Variants in MEOX2 observed in about 807,000 individuals in gnomAD.
The protein encoded by MEOX2 is mesenchyme homeobox 2, also known as homeobox protein MOX-2.
In MEOX2, 11 loss-of-function variants were observed where a neutral mutation model predicts 27.0. That is an observed-to-expected ratio of 0.41 (90% CI 0.26 to 0.68). The LOEUF (loss-of-function observed/expected upper bound fraction) is 0.68, where lower values mean the gene tolerates loss of function less well. MEOX2 is among the 30% of genes least tolerant of loss of function. The pLI is 0.33. For missense variants in MEOX2, 436 were observed against 385.4 expected (o/e 1.13, Z -1.10); for synonymous variants, 189 against 155.4 (o/e 1.22, Z -1.61).
At chr7:15,615,368 T>TTTTG (rs998804448) in intron 2 of MEOX2, among the ~76,000 whole-genome samples, 60 of 151,982 alleles carry the variant, frequency 3.9e-4, no homozygotes, top group African/African-American at 1.3e-3. Context: ...TTTTTGGTTT[T>TTTTG]TTTGTTTGTT....
chr7:15,631,432 T>A (rs1273973091), intron 1 of MEOX2, among the ~76,000 whole-genome samples: 2 of 151,954 alleles, frequency 1.3e-5, no homozygotes, highest in African/African-American at 4.8e-5. Context: ...ATGTAGCCAA[T>A]TATATGTCTT....
At chr7:15,674,075 G>C (rs561054828) in intron 1 of MEOX2, among the ~76,000 whole-genome samples, 3 of 151,852 alleles carry the variant, frequency 2.0e-5, no homozygotes, top group Non-Finnish European at 4.4e-5. Flanking sequence ...AACAAAATTT[G>C]GTTACACACA....
At chr7:15,660,032 AT>A (rs1781886908) in intron 1 of MEOX2, among the ~76,000 whole-genome samples, 1 of 152,202 alleles carries the variant, frequency 6.6e-6, no homozygotes, top group South Asian at 2.1e-4. Context: ...GCAATGATCT[AT>A]AATATCATTG....
At chr7:15,635,362 G>T (rs17420659) in intron 1 of MEOX2, among the ~76,000 whole-genome samples, 10,110 of 151,962 alleles carry the variant, frequency 0.067, 445 homozygotes, top group Middle Eastern at 0.13. Flanking sequence ...ACTAAATATG[G>T]TTATGAAACC....
At chr7:15,675,595 C>T (rs1782180194) in intron 1 of MEOX2, among the ~76,000 whole-genome samples, 1 of 152,236 alleles carries the variant, frequency 6.6e-6, no homozygotes, top group African/African-American at 2.4e-5. Flanking sequence ...TACTTAACTT[C>T]TCTGGGCACA....
intron 1 of MEOX2, among the ~76,000 whole-genome samples, chr7:15,668,696 G>A (rs992653671): frequency 1.3e-5 from 2 of 151,906 alleles, no homozygotes; most frequent in Non-Finnish European, 2.9e-5. Context: ...GGCTCGTCTC[G>A]AACTCCTGAT....
intron 1 of MEOX2, among the ~76,000 whole-genome samples, chr7:15,629,303 T>C (rs900858962): frequency 5.3e-5 from 8 of 152,036 alleles, no homozygotes; most frequent in Non-Finnish European, 7.4e-5. Context: ...TCACAGGTAA[T>C]GGGTCTATAT....
chr7:15,652,185 A>G (rs888589885), intron 1 of MEOX2, among the ~76,000 whole-genome samples: 3 of 152,068 alleles, frequency 2.0e-5, no homozygotes, highest in African/African-American at 7.2e-5. Flanking sequence ...AAATGCAGTA[A>G]CATGCTTTTA....
intron 1 of MEOX2, among the ~76,000 whole-genome samples, chr7:15,641,658 T>C (rs928806529): frequency 6.6e-6 from 1 of 152,154 alleles, no homozygotes; most frequent in Non-Finnish European, 1.5e-5. Flanking sequence ...TCTAATAGTG[T>C]TGTTAGATAG....
At chr7:15,616,444 T>C (rs10261835) in intron 2 of MEOX2, among the ~76,000 whole-genome samples, 102,095 of 151,510 alleles carry the variant, frequency 0.67, 34,650 homozygotes, top group East Asian at 0.81. Context: ...GTATTAGCAA[T>C]CCCCCCAACA....
intron 2 of MEOX2, among the ~76,000 whole-genome samples, chr7:15,612,869 A>C (rs2115351071): frequency 6.6e-6 from 1 of 152,328 alleles, no homozygotes; most frequent in Non-Finnish European, 1.5e-5. Context: ...TATGGAACTA[A>C]ACAAAAACTT....
At chr7:15,663,041 C>A (rs1337340504) in intron 1 of MEOX2, among the ~76,000 whole-genome samples, 1 of 152,118 alleles carries the variant, frequency 6.6e-6, no homozygotes, top group East Asian at 1.9e-4. Context: ...ACATAGTGGT[C>A]ATTCTCACAT....
chr7:15,682,383 A>G (rs934102350), intron 1 of MEOX2, among the ~76,000 whole-genome samples: 1 of 151,824 alleles, frequency 6.6e-6, no homozygotes, highest in African/African-American at 2.4e-5. Flanking sequence ...ATTAAATGTA[A>G]TATTTGCTAG....
At chr7:15,657,013 C>T (rs1394509013) in intron 1 of MEOX2, among the ~76,000 whole-genome samples, 1 of 152,036 alleles carries the variant, frequency 6.6e-6, no homozygotes, top group Non-Finnish European at 1.5e-5. Context: ...AAATGTTGTA[C>T]TACTTCTTTC....
chr7:15,666,549 C>G (rs944346011), intron 1 of MEOX2, among the ~76,000 whole-genome samples: 1 of 151,424 alleles, frequency 6.6e-6, no homozygotes, highest in African/African-American at 2.4e-5. Context: ...GTCAGGAGTT[C>G]ATGACCAGCC....
rs1487152533 is a variant in MEOX2, at chr7:15,611,380, A to G, written c.*1007T>C. The G allele has an allele frequency of 6.6e-6, 1 of 152,556 alleles. No individual in the cohort carries two copies. Among genetic ancestry groups the G allele is most frequent in the African/African-American group, 2.4e-5 (1 of 41,470 alleles). The allele number at this position is 152,556 out of a possible 1,614,324, so 9.5% of individuals were successfully genotyped here. On this transcript the variant is annotated 3_prime_UTR_variant, in exon 3 of 3. Transcript: ENST00000262041. ...ACTTGAGCAACCAGTTTCGCTTTGC[A>G]CCTTGTCTAACACTGTTGTCAATCA...
intron 1 of MEOX2, among the ~76,000 whole-genome samples, chr7:15,663,296 A>G (rs1007802276): frequency 6.6e-6 from 1 of 152,094 alleles, no homozygotes; most frequent in Non-Finnish European, 1.5e-5. Context: ...CTTGTGGCCA[A>G]CTGTGTTAAT....
intron 1 of MEOX2, among the ~76,000 whole-genome samples, chr7:15,646,306 A>G (rs1781648689): frequency 1.3e-5 from 2 of 152,078 alleles, no homozygotes; most frequent in Admixed American, 6.5e-5. Flanking sequence ...TATAGCACTT[A>G]TATCTTCACA....
chr7:15,658,705 T>G (rs1781863186), intron 1 of MEOX2, among the ~76,000 whole-genome samples: 1 of 152,122 alleles, frequency 6.6e-6, no homozygotes. Flanking sequence ...GAACAGGATT[T>G]GCACCCTTAT....
Sources: allele counts gnomAD v4.1 joint callset (sites outside exome capture counted in the v4.1 genomes callset), GRCh38; gene constraint gnomAD v4.1.1; transcripts MANE v1.5; gene names NCBI Gene and HGNC (gene_info 2026-07-23, HGNC 2026-07-21).